MUC3A: variants seen among roughly 807,000 people sequenced by gnomAD.
The protein encoded by MUC3A is mucin 3A, cell surface associated.
A neutral mutation model predicts 109.0 loss-of-function variants in MUC3A; 109 were observed. The ratio of observed to expected loss-of-function variants is 1.00; its 90% CI spans 0.86 to 1.17. MUC3A has a LOEUF of 1.17. Among genes scored for constraint, MUC3A ranks in the 50% most tolerant of loss-of-function variants. The probability of loss-of-function intolerance (pLI) is 0.00; values close to 1 mark genes in which losing one functional copy is unlikely to be tolerated. For missense variants in MUC3A, 3,537 were observed against 2,469.4 expected, an observed-to-expected ratio of 1.43 and a Z score of -9.16; for synonymous variants, 1,398 against 981.4, an observed-to-expected ratio of 1.42 and a Z score of -7.93.
chr7:100,962,887 A>G (rs79246487), intron 3 of MUC3A, among the ~76,000 whole-genome samples: 3,801 of 22,266 alleles, frequency 0.17, 162 homozygotes, highest in African/African-American at 0.36. Context: ...AGACAGTCTC[A>G]CTCTGTGGCC....
chr7:100,967,271 C>G lies in MUC3A; in HGVS notation c.*109C>G, dbSNP rs1484382339. On this transcript the variant is annotated 3_prime_UTR_variant, in exon 12 of 12. Transcript: ENST00000379458. The stretch of plus-strand genomic sequence containing the variant: ...AGGACGCGGGCAGCCCAGGCTCCTG[C>G]TGTTCTTGGGCAAGATGAGACTGTT... 6.6e-7 allele frequency: 1 copy of G among 1,517,538 alleles called. No individual in the cohort carries two copies. The highest frequency in any genetic ancestry group is 1.9e-5 in the Admixed American group (1 of 52,772). The allele number at this position is 1,517,538 out of a possible 1,614,324, so 94.0% of individuals were successfully genotyped here. A position where few individuals can be genotyped will look rare whatever the true frequency, so the allele number is the denominator to read the frequency against.
chr7:100,965,422 G>A, intron 7 of MUC3A, 75 bp downstream of exon 7: 1 of 1,555,624 alleles, frequency 6.4e-7, no homozygotes, highest in Non-Finnish European at 8.6e-7. Flanking sequence ...GCCCATTGAA[G>A]CCTGTGGGCA....
Position 100,958,517 on chromosome 7 carries a change from T to C in MUC3A, c.6738T>C (p.Thr2246=), listed in dbSNP as rs1344573003. 257 of 410,280 alleles carry C rather than the reference T, an allele frequency of 6.3e-4. 3 individuals carry two copies. Among genetic ancestry groups the C allele is most frequent in the African/African-American group, 2.0e-3 (46 of 22,726 alleles). 25.4% of individuals were successfully genotyped at this position (410,280 alleles called of 1,614,324 possible). The change falls in exon 2 of 12, where the codon ACT becomes ACC. Residue 2246 remains threonine, a synonymous_variant. Coordinates refer to ENST00000379458, the MANE Select transcript of MUC3A (RefSeq NM_005960.2). ...GCTTCACTTCTTCAATCACCACCAC[T>C]GAGACTACATCCCACAGTACTCCCA... ...TPGFTSSITT[T]ETTSHSTPSF...
Position 100,959,599 on chromosome 7 carries a change from C to T in MUC3A, c.7820C>T (p.Ser2607Phe), listed in dbSNP as rs765250269. The T allele has an allele frequency of 3.8e-6, 6 of 1,597,492 alleles. No homozygotes were observed. In the East Asian group the frequency reaches 6.7e-5, roughly 18 times the overall value. Residue 2607 changes from serine to phenylalanine, a missense_variant, in exon 2 of 12, where the codon TCC (serine) becomes TTC (phenylalanine). Coordinates refer to ENST00000379458, the MANE Select transcript of MUC3A (RefSeq NM_005960.2). ...TTVTFGSTDS[S>F]TSTLHTLTPS... ...GTCACCTTTGGAAGTACGGATTCCT[C>T]CACGTCCACTCTTCATACTCTTACT...
In MUC3A at chr7:100,954,421, C is replaced by T. The variant is rs1792049916; in HGVS notation, c.2642C>T (p.Thr881Ile). The T allele has an allele frequency of 2.5e-6, 1 of 400,764 alleles. No homozygotes were observed. Among genetic ancestry groups the T allele is most frequent in the Non-Finnish European group, 4.4e-6 (1 of 227,588 alleles). The allele number at this position is 400,764 out of a possible 1,614,324, so 24.8% of individuals were successfully genotyped here. A position where few individuals can be genotyped will look rare whatever the true frequency, so the allele number is the denominator to read the frequency against. The change falls in exon 2 of 12, where the codon ACC becomes ATC. Residue 881 changes from threonine to isoleucine, a missense_variant. Physicochemically the swap from Thr to Ile is moderately conservative, Grantham distance 89. Transcript: ENST00000379458. The stretch of plus-strand genomic sequence containing the variant: ...ATCTCTGTTAGCATGACGTCTGCTA[C>T]CACTCCCAGTGGAGGACCAACTTTC... ...ISISVSMTSA[T>I]TPSGGPTFTS... is the part of the protein sequence containing the mutation.
chr7:100,966,738 G>C lies in MUC3A; in HGVS notation c.9872G>C (p.Gly3291Ala), dbSNP rs1232008426. 1.9e-6 allele frequency: 3 copies of C among 1,598,552 alleles called. No homozygotes were observed. The highest frequency in any genetic ancestry group is 2.2e-5 in the South Asian group (2 of 91,092). The change falls in exon 10 of 12, where the codon GGA becomes GCA. Residue 3291 changes from glycine (G) to alanine (A), a missense_variant. Transcript: ENST00000379458. ...TFSNWGFEDD[G>A]TDKDTNFYVA... ...TCAAACTGGGGTTTCGAGGACGACG[G>C]AACAGGTGAGTCCTGCCTCCTGGGG...
At chr7:100,961,130 G>T (rs996869991) in intron 3 of MUC3A, 193 bp downstream of exon 3, 7 of 959,066 alleles carry the variant, frequency 7.3e-6, no homozygotes, top group Non-Finnish European at 8.7e-6. Flanking sequence ...GAGGTGGCTG[G>T]GACTACCCTC....
chr7:100,965,214 GCGCTAAC>G, intron 6 of MUC3A, 61 bp from the exon 7 acceptor site: 1 of 1,571,320 alleles, frequency 6.4e-7, no homozygotes, highest in Non-Finnish European at 8.6e-7. Flanking sequence ...CTGCCTCCTG[GCGCTAAC>G]CCCTTGACCT....
In MUC3A at chr7:100,959,603, G is replaced by A. The variant is rs751351544; in HGVS notation, c.7824G>A (p.Thr2608=). ...TVTFGSTDSS[T]STLHTLTPST... ...CCTTTGGAAGTACGGATTCCTCCAC[G>A]TCCACTCTTCATACTCTTACTCCAT... The change falls in exon 2 of 12, where the codon ACG becomes ACA. Residue 2608 remains threonine, a synonymous_variant. Coordinates refer to ENST00000379458, the MANE Select transcript of MUC3A (RefSeq NM_005960.2). 456 of 1,595,844 alleles carry A rather than the reference G, an allele frequency of 2.9e-4. No homozygotes were observed. Among genetic ancestry groups the A allele is most frequent in the Non-Finnish European group, 3.5e-4 (410 of 1,177,482 alleles).
chr7:100,964,454 T>C, intron 5 of MUC3A: 1 of 591,734 alleles, frequency 1.7e-6, no homozygotes, highest in Non-Finnish European at 2.7e-6. Context: ...CAAGACTTTG[T>C]CTCTATAAAA....
At position 100,954,637 on chromosome 7, in the gene MUC3A, T is replaced by C; in HGVS notation, c.2858T>C (p.Phe953Ser). 1 of 399,540 alleles carries C rather than the reference T, an allele frequency of 2.5e-6. No individual in the cohort carries two copies. The highest frequency in any genetic ancestry group is 4.4e-6 in the Non-Finnish European group (1 of 227,008). 24.7% of individuals were successfully genotyped at this position (399,540 alleles called of 1,614,324 possible). The change falls in exon 2 of 12, where the codon TTT becomes TCT. Residue 953 changes from phenylalanine (F) to serine (S), a missense_variant. Transcript: ENST00000379458. ...STPSPTTTTS[F>S]TTSTMMEPPS... ...CCATCACCCACTACCACCACCTCATTTACCACATCCACAATGATGGAACCA... is the reference window on the plus strand; with the variant it reads ...CCATCACCCACTACCACCACCTCATCTACCACATCCACAATGATGGAACCA...
At chr7:100,962,860 T>C (rs1213850265) in intron 3 of MUC3A, among the ~76,000 whole-genome samples, 1 of 150,744 alleles carries the variant, frequency 6.6e-6, no homozygotes, top group Non-Finnish European at 1.5e-5. Context: ...TCTATCTTTC[T>C]TTTTCATTTT....
chr7:100,960,695 CTG>C, intron 2 of MUC3A, 50 bp downstream of exon 2: 1 of 1,592,632 alleles, frequency 6.3e-7, no homozygotes, highest in Non-Finnish European at 8.5e-7. Context: ...TGCAAAATTC[CTG>C]TGTCACTGAG....
chr7:100,957,094 C>T lies in MUC3A; in HGVS notation c.5315C>T (p.Thr1772Met), dbSNP rs1014751933. The T allele has an allele frequency of 6.5e-5, 31 of 476,292 alleles. No individual in the cohort carries two copies. Among genetic ancestry groups the T allele is most frequent in the Non-Finnish European group, 1.1e-4 (29 of 271,316 alleles). The allele number at this position is 476,292 out of a possible 1,614,324, so 29.5% of individuals were successfully genotyped here. A position where few individuals can be genotyped will look rare whatever the true frequency, so the allele number is the denominator to read the frequency against. The change falls in exon 2 of 12, where the codon ACG becomes ATG. Residue 1772 changes from threonine to methionine, a missense_variant. By Grantham distance (81) the Thr-to-Met change is moderately conservative (BLOSUM62 -1). Transcript: ENST00000379458. ...PITSSITSTY[T>M]VTSMTTTTPL... Reference sequence around the variant, plus strand: ...ACTTCTTCAATCACCTCCACATATACGGTGACTTCGATGACAACTACCACC... The same window carrying T: ...ACTTCTTCAATCACCTCCACATATATGGTGACTTCGATGACAACTACCACC...
chr7:100,962,811 C>G (rs926553648), intron 3 of MUC3A, among the ~76,000 whole-genome samples: 6 of 126,480 alleles, frequency 4.7e-5, no homozygotes, highest in African/African-American at 1.4e-4. Flanking sequence ...CTCTCTCTCT[C>G]TCTTTCTTTC....
Position 100,952,448 on chromosome 7 carries a change from T to G in MUC3A, c.669T>G (p.Thr223=). The change falls in exon 2 of 12, where the codon ACT becomes ACG. Residue 223 remains threonine, a synonymous_variant. Transcript: ENST00000379458. The part of the protein sequence containing the change: ...TTFHTTISST[T]RTTERTPLPT... ...TCCACACTACAATCTCGTCTACAAC[T>G]AGAACCACAGAAAGGACTCCCCTGC... 6.3e-7 allele frequency: 1 copy of G among 1,598,588 alleles called. No individual in the cohort carries two copies. Among genetic ancestry groups the G allele is most frequent in the East Asian group, 2.2e-5 (1 of 44,892 alleles).
At position 100,957,956 on chromosome 7, in the gene MUC3A, C is replaced by G. The variant is rs1792146187; in HGVS notation, c.6177C>G (p.Phe2059Leu). 2 of 655,286 alleles carry G rather than the reference C, an allele frequency of 3.1e-6. No individual in the cohort carries two copies. Among genetic ancestry groups the G allele is most frequent in the Admixed American group, 2.2e-5 (1 of 45,686 alleles). 40.6% of individuals were successfully genotyped at this position (655,286 alleles called of 1,614,324 possible). A position where few individuals can be genotyped will look rare whatever the true frequency, so the allele number is the denominator to read the frequency against. ...TETTSHSTPS[F>L]TSLITITEIT... ...CCACATCCCACAGTACTCCCAGCTT[C>G]ACTTCATTGATCACCATCACCGAGA... The change falls in exon 2 of 12, where the codon TTC becomes TTG. Residue 2059 changes from phenylalanine to leucine, a missense_variant. Physicochemically the swap from Phe to Leu is conservative, Grantham distance 22. Coordinates refer to ENST00000379458, the MANE Select transcript of MUC3A (RefSeq NM_005960.2).
chr7:100,962,817 CTTTCTT>C (rs1792380752), intron 3 of MUC3A, among the ~76,000 whole-genome samples: 2 of 67,236 alleles, frequency 3.0e-5, no homozygotes, highest in Non-Finnish European at 5.8e-5. Context: ...CTCTCTCTTT[CTTTCTT>C]TCTTTCTTTC....
chr7:100,959,207 C>G lies in MUC3A; in HGVS notation c.7428C>G (p.Thr2476=). The G allele has an allele frequency of 6.3e-7, 1 of 1,598,530 alleles. No homozygotes were observed. Among genetic ancestry groups the G allele is most frequent in the Non-Finnish European group, 8.5e-7 (1 of 1,179,806 alleles). Residue 2476 remains threonine, a synonymous_variant, in exon 2 of 12, where the codon ACC becomes ACG. Transcript: ENST00000379458. ...SETAVTPTPV[T]PSSLSTDIPT... ...CTGCGGTGACTCCCACACCTGTAAC[C>G]CCATCTTCTCTGAGTACAGACATCC...
Sources: allele counts gnomAD v4.1 joint callset (sites outside exome capture counted in the v4.1 genomes callset), GRCh38; gene constraint gnomAD v4.1.1; transcripts MANE v1.5; gene names NCBI Gene and HGNC (gene_info 2026-07-23, HGNC 2026-07-21).